BCAS3: variants seen among roughly 807,000 people sequenced by gnomAD.
BCAS3 encodes the protein BCAS4/BCAS3 fusion.
A neutral mutation model predicts 116.1 loss-of-function variants in BCAS3; 53 were observed. The ratio of observed to expected loss-of-function variants is 0.46; its 90% CI spans 0.37 to 0.57. BCAS3 has a LOEUF of 0.57. Among genes scored for constraint, BCAS3 ranks in the 20% least tolerant of loss-of-function variants. The probability of loss-of-function intolerance (pLI) is 0.00; values close to 1 mark genes in which losing one functional copy is unlikely to be tolerated. For synonymous variants in BCAS3, 391 were observed against 408.2 expected (o/e 0.96, Z 0.51); for missense variants, 917 against 1,165.4 (o/e 0.79, Z 3.10).
chr17:61,220,395 A>G lies in BCAS3; in HGVS notation c.2425+135831A>G, dbSNP rs2082045052. On this transcript the variant is annotated intron_variant, in intron 22 of 23. Coordinates refer to ENST00000407086, the MANE Select transcript of BCAS3 (RefSeq NM_017679.5). This position sits in a 1 kb window ranked among gnomAD's most constrained non-coding sequence, Gnocchi z 4.5. Reference sequence around the variant, plus strand: ...GGCCCACAGCTTCTATTTTCTATTTAATAGCTTGCCCACATTTTAGAGTTT... The same window carrying G: ...GGCCCACAGCTTCTATTTTCTATTTGATAGCTTGCCCACATTTTAGAGTTT... Among the ~76,000 whole-genome samples, 1 of 152,192 alleles carries G rather than the reference A, an allele frequency of 6.6e-6. No homozygotes were observed. The highest frequency in any genetic ancestry group is 6.5e-5 in the Admixed American group (1 of 15,284).
At chr17:60,944,473 C>CT (rs1432470643) in intron 13 of BCAS3, among the ~76,000 whole-genome samples, 7 of 151,954 alleles carry the variant, frequency 4.6e-5, no homozygotes, top group East Asian at 1.9e-4. Context: ...AATCCTACAT[C>CT]TTTTTTTTCC....
intron 23 of BCAS3, chr17:61,389,677 A>C (rs2060031757): frequency 6.6e-6 from 1 of 152,220 alleles, no homozygotes; most frequent in South Asian, 2.1e-4. Context: ...TAACTGGCAA[A>C]GGGAAAATGC....
intron 22 of BCAS3, among the ~76,000 whole-genome samples, chr17:61,092,873 C>G (rs1172774092): frequency 7.1e-6 from 1 of 139,868 alleles, no homozygotes; most frequent in Non-Finnish European, 1.6e-5. Context: ...TATGTTTTCA[C>G]AAACAAAAAA....
intron 14 of BCAS3, among the ~76,000 whole-genome samples, chr17:60,951,460 C>G (rs1293079164): frequency 6.6e-6 from 1 of 151,996 alleles, no homozygotes; most frequent in Admixed American, 6.6e-5. Context: ...GTTACCTGAC[C>G]CATTAACCTC....
chr17:60,910,537 G>A lies in BCAS3; in HGVS notation c.828G>A (p.Leu276=). 8.1e-6 allele frequency: 13 copies of A among 1,604,138 alleles called. No homozygotes were observed. The highest frequency in any genetic ancestry group is 1.1e-5 in the Non-Finnish European group (13 of 1,175,562). The change falls in exon 12 of 24, where the codon TTG becomes TTA. Residue 276 remains leucine (L), a synonymous_variant. Transcript: ENST00000407086. The part of the protein sequence containing the change: ...TATVISAAKT[L]KSGLTMVGKV... ...TTTTACCTTTCATTGTACAGACATT[G>A]AAAAGTGGCCTGACAATGGTAGGGA...
chr17:61,158,572 A>G (rs1240093287), intron 22 of BCAS3, among the ~76,000 whole-genome samples: 3 of 152,188 alleles, frequency 2.0e-5, no homozygotes, highest in Non-Finnish European at 4.4e-5. Context: ...CTTGCATCAA[A>G]TATCATGCTA....
intron 7 of BCAS3, among the ~76,000 whole-genome samples, chr17:60,825,983 A>G (rs1447424053): frequency 6.7e-6 from 1 of 148,804 alleles, no homozygotes; most frequent in East Asian, 2.0e-4. Flanking sequence ...TCAGCCTCCC[A>G]AGTAGCTGGG....
intron 19 of BCAS3, among the ~76,000 whole-genome samples, chr17:61,067,271 GTGTA>G (rs1291639809): frequency 0.012 from 669 of 55,114 alleles, 28 homozygotes; most frequent in African/African-American, 0.047. Context: ...ATGTGTGTAT[GTGTA>G]TATATATATA....
intron 23 of BCAS3, among the ~76,000 whole-genome samples, chr17:61,369,114 T>C (rs1018446166): frequency 6.6e-6 from 1 of 152,168 alleles, no homozygotes; most frequent in Non-Finnish European, 1.5e-5. Flanking sequence ...ACACACAACA[T>C]GCACTCAGGA....
At position 61,213,381 on chromosome 17, in the gene BCAS3, G is replaced by A. The variant is rs1175010403; in HGVS notation, c.2425+128817G>A. On this transcript the variant is annotated intron_variant, in intron 22 of 23. Coordinates refer to ENST00000407086, the MANE Select transcript of BCAS3 (RefSeq NM_017679.5). The surrounding 1 kb of genome is among the most constrained non-coding windows in gnomAD (Gnocchi z 5.4). ...AACGGGGTTTCACCAGCTTGGCCAG[G>A]CTGGTCTTGAACTCCTGACCTCGTG... Among the ~76,000 whole-genome samples the A allele has an allele frequency of 6.6e-6, 1 of 151,992 alleles. No individual in the cohort carries two copies. Among genetic ancestry groups the A allele is most frequent in the Non-Finnish European group, 1.5e-5 (1 of 67,994 alleles).
At chr17:61,016,899 C>T (rs185344001) in intron 16 of BCAS3, 2 of 152,260 alleles carry the variant, frequency 1.3e-5, no homozygotes, top group East Asian at 3.9e-4. Context: ...GGGACAAGGC[C>T]TTTGAGCTCC....
rs1272242227 is a variant in BCAS3 at position 60,960,728 on chromosome 17, GT to G, written c.1221+13379del. Among the ~76,000 whole-genome samples the G allele has an allele frequency of 6.6e-6, 1 of 150,782 alleles. No homozygotes were observed. The highest frequency in any genetic ancestry group is 1.5e-5 in the Non-Finnish European group (1 of 67,838). On this transcript the variant is annotated intron_variant, in intron 14 of 23. Coordinates refer to ENST00000407086, the MANE Select transcript of BCAS3 (RefSeq NM_017679.5). The surrounding 1 kb of genome is among the most constrained non-coding windows in gnomAD (Gnocchi z 4.1). ...TGCACCTAGGTAGCTCTATCAGCCT[GT>G]TTCCTGCTTGTGGAATTTTGCAAGT...
At chr17:60,979,410 C>T (rs1399125973) in intron 14 of BCAS3, among the ~76,000 whole-genome samples, 2 of 149,498 alleles carry the variant, frequency 1.3e-5, no homozygotes, top group African/African-American at 5.1e-5. Context: ...TGGGCTGAGA[C>T]AATGGGGTTT....
At position 61,281,900 on chromosome 17, in the gene BCAS3, G is replaced by T; in HGVS notation, c.2426-86427G>T. On this transcript the variant is annotated intron_variant, in intron 22 of 23. Transcript: ENST00000407086. The surrounding 1 kb of genome is among the most constrained non-coding windows in gnomAD (Gnocchi z 4.2). ...ATGGTAAATTTTTACTTTCTTTTCC[G>T]CTACTTCCTTTTTACAAGACTGTTG... Among the ~76,000 whole-genome samples, 1 of 151,598 alleles carries T rather than the reference G, an allele frequency of 6.6e-6. No individual in the cohort carries two copies. Among genetic ancestry groups the T allele is most frequent in the African/African-American group, 2.4e-5 (1 of 41,230 alleles).
chr17:60,744,711 C>G (rs1016229365), intron 5 of BCAS3, among the ~76,000 whole-genome samples: 12 of 151,522 alleles, frequency 7.9e-5, no homozygotes, highest in Admixed American at 7.9e-4. Flanking sequence ...AACCCCCACC[C>G]CCGAGTTATA....
At chr17:61,172,619 A>G (rs889086491) in intron 22 of BCAS3, among the ~76,000 whole-genome samples, 4 of 152,134 alleles carry the variant, frequency 2.6e-5, no homozygotes, top group Non-Finnish European at 4.4e-5. Flanking sequence ...CCTGGGCGAC[A>G]GAGCGAGACT....
chr17:61,301,785 A>T (rs1300689642), intron 22 of BCAS3, among the ~76,000 whole-genome samples: 2 of 152,118 alleles, frequency 1.3e-5, no homozygotes, highest in Non-Finnish European at 2.9e-5. Context: ...AAATTCATGG[A>T]CCACCTGAAT....
rs115022821 is a variant in BCAS3, at chr17:60,949,654, C to T, written c.1221+2302C>T. Reference sequence around the variant, plus strand: ...GATATTTTGATACAGGCATACAATGCGTAATGATCTCGTCAGACTAATTGG... The same window carrying T: ...GATATTTTGATACAGGCATACAATGTGTAATGATCTCGTCAGACTAATTGG... On this transcript the variant is annotated intron_variant, in intron 14 of 23. Transcript: ENST00000407086. 2.0e-3 allele frequency among the ~76,000 whole-genome samples: 308 copies of T among 152,204 alleles called. 2 individuals are homozygous for T. Among genetic ancestry groups the T allele is most frequent in the African/African-American group, 6.9e-3 (288 of 41,532 alleles).
Position 61,239,577 on chromosome 17 carries a change from A to C in BCAS3, c.2426-128750A>C, listed in dbSNP as rs1340671180. Among the ~76,000 whole-genome samples the C allele has an allele frequency of 6.6e-6, 1 of 152,202 alleles. No individual in the cohort carries two copies. ...AAGATTAATATAAAAAGAGAACTTC[A>C]TTTACTCTGAGTGATCATGTTTCAA... On this transcript the variant is annotated intron_variant, in intron 22 of 23. Transcript: ENST00000407086. The surrounding 1 kb of genome is among the most constrained non-coding windows in gnomAD (Gnocchi z 4.2).
Sources: allele counts gnomAD v4.1 joint callset (sites outside exome capture counted in the v4.1 genomes callset), GRCh38; gene constraint gnomAD v4.1.1; non-coding constraint Gnocchi (gnomAD v3.1); transcripts MANE v1.5; gene names NCBI Gene and HGNC (gene_info 2026-07-23, HGNC 2026-07-21).